Variants in TIAM1 observed in about 807,000 individuals in gnomAD.
TIAM1 encodes TIAM Rac1 associated GEF 1, also known as rho guanine nucleotide exchange factor TIAM1.
TIAM1 carries 65 observed loss-of-function variants against 163.5 expected under a neutral mutation model. The observed-to-expected ratio is 0.40, with a 90% CI of 0.33 to 0.49. The LOEUF is 0.49. Among genes scored for constraint, TIAM1 ranks in the 20% least tolerant of loss-of-function variants. The pLI, the probability that TIAM1 is intolerant of heterozygous loss-of-function variation, is 0.77. For missense variants in TIAM1, 1,789 were observed against 2,044.7 expected, an observed-to-expected ratio of 0.87 and a Z score of 2.41; for synonymous variants, 833 against 810.1, an observed-to-expected ratio of 1.03 and a Z score of -0.48.
upstream of TIAM1, among the ~76,000 whole-genome samples, chr21:31,346,035 G>A (rs187082741): frequency 2.1e-3 from 312 of 152,108 alleles, no homozygotes; most frequent in African/African-American, 6.9e-3. Flanking sequence ...ATTTGCCTCC[G>A]GGGAACATTT....
chr21:31,482,772 C>A (rs139303264), intron 1 of TIAM1, among the ~76,000 whole-genome samples: 190 of 152,268 alleles, frequency 1.2e-3, no homozygotes, highest in Non-Finnish European at 2.1e-3. Context: ...ACCAGAAGCA[C>A]CCCTAGTCAA....
At chr21:31,168,493 C>A (rs776170676) in intron 15 of TIAM1, among the ~76,000 whole-genome samples, 1 of 151,880 alleles carries the variant, frequency 6.6e-6, no homozygotes, top group South Asian at 2.1e-4. Flanking sequence ...CTCTACCTCC[C>A]GGGTTCACAC....
At chr21:31,208,956 T>G (rs530758892) in intron 11 of TIAM1, among the ~76,000 whole-genome samples, 1 of 152,224 alleles carries the variant, frequency 6.6e-6, no homozygotes, top group Admixed American at 6.5e-5. Context: ...GTTTTTCATT[T>G]TTTTTTTTAG....
At chr21:31,246,879 C>G (rs1202230833) in intron 5 of TIAM1, among the ~76,000 whole-genome samples, 1 of 152,142 alleles carries the variant, frequency 6.6e-6, no homozygotes, top group African/African-American at 2.4e-5. Context: ...GCTTACAAGT[C>G]CTTATTGCAC....
At chr21:31,159,246 A>G (rs2083778251) in intron 16 of TIAM1, among the ~76,000 whole-genome samples, 1 of 152,116 alleles carries the variant, frequency 6.6e-6, no homozygotes, top group Non-Finnish European at 1.5e-5. Flanking sequence ...AGGAGAGGAC[A>G]ATGGCAAGAG....
At chr21:31,293,968 T>C (rs2074128835) in intron 2 of TIAM1, among the ~76,000 whole-genome samples, 1 of 151,976 alleles carries the variant, frequency 6.6e-6, no homozygotes, top group Non-Finnish European at 1.5e-5. Context: ...CCAACAAACA[T>C]AAATTATGGA....
chr21:31,262,181 C>A (rs1004359191), intron 4 of TIAM1, among the ~76,000 whole-genome samples: 7 of 152,202 alleles, frequency 4.6e-5, no homozygotes, highest in African/African-American at 1.7e-4. Flanking sequence ...AAAACTGTGC[C>A]ATGAGTTTTC....
chr21:31,528,489 G>A (rs897868903), intron 1 of TIAM1, among the ~76,000 whole-genome samples: 7 of 151,664 alleles, frequency 4.6e-5, no homozygotes, highest in African/African-American at 1.7e-4. Context: ...CCATACTCCA[G>A]CCTGGGCAAC....
intron 10 of TIAM1, among the ~76,000 whole-genome samples, chr21:31,210,997 A>G (rs1569035577): frequency 6.6e-6 from 1 of 151,676 alleles, no homozygotes; most frequent in Non-Finnish European, 1.5e-5. Flanking sequence ...ATTTATATTT[A>G]TATTTATAGA....
chr21:31,123,083 A>G (rs1400707783), intron 27 of TIAM1, among the ~76,000 whole-genome samples: 1 of 152,250 alleles, frequency 6.6e-6, no homozygotes, highest in Non-Finnish European at 1.5e-5. Flanking sequence ...TCTCTTGGTA[A>G]TCATGACGGA....
chr21:31,156,203 C>CTA (rs2083616107), intron 16 of TIAM1, among the ~76,000 whole-genome samples: 1 of 152,226 alleles, frequency 6.6e-6, no homozygotes, highest in South Asian at 2.1e-4. Context: ...AGTGGCATGA[C>CTA]AGGACAGAGG....
At chr21:31,208,823 T>C (rs944004630) in intron 11 of TIAM1, among the ~76,000 whole-genome samples, 2 of 152,206 alleles carry the variant, frequency 1.3e-5, no homozygotes, top group East Asian at 1.9e-4. Flanking sequence ...AACTACAAAA[T>C]TGAGGTACTT....
intron 19 of TIAM1, 59 bp from the exon 20 acceptor site, chr21:31,147,062 C>T: frequency 7.0e-7 from 1 of 1,431,162 alleles, no homozygotes. Flanking sequence ...GAAATATCAG[C>T]AGGTTATGGC....
rs191218426 is a variant in TIAM1 at position 31,155,107 on chromosome 21, T to A, written c.2992-681A>T. 2.2e-3 allele frequency among the ~76,000 whole-genome samples: 337 copies of A among 152,316 alleles called. 1 individual carries two copies. The highest frequency in any genetic ancestry group is 7.6e-3 in the African/African-American group (316 of 41,568). ...CCCTAAAATAGGCCTCAATGGGAGA[T>A]CCCAGTCTCCACATCTACCAGGGAT... On this transcript the variant is annotated intron_variant, in intron 16 of 27. Transcript: ENST00000541036.
intron 6 of TIAM1, among the ~76,000 whole-genome samples, chr21:31,237,467 G>A (rs2070953048): frequency 6.6e-6 from 1 of 152,188 alleles, no homozygotes; most frequent in African/African-American, 2.4e-5. Flanking sequence ...TTTAAGAGGA[G>A]CCCATGGAAC....
chr21:31,137,160 T>C (rs2082652389), intron 22 of TIAM1, among the ~76,000 whole-genome samples: 1 of 152,242 alleles, frequency 6.6e-6, no homozygotes, highest in African/African-American at 2.4e-5. Flanking sequence ...TCTAGCTGGG[T>C]TTCCTATACA....
intron 5 of TIAM1, among the ~76,000 whole-genome samples, chr21:31,247,221 G>T (rs1034570490): frequency 1.4e-4 from 22 of 151,742 alleles, no homozygotes; most frequent in African/African-American, 5.3e-4. Context: ...TGAGCTGGGA[G>T]GATTGTTTGA....
At chr21:31,279,839 A>G (rs2073466101) in intron 2 of TIAM1, among the ~76,000 whole-genome samples, 1 of 152,240 alleles carries the variant, frequency 6.6e-6, no homozygotes, top group South Asian at 2.1e-4. Context: ...AGTATTATGC[A>G]GGCTTCCTTA....
Position 31,210,062 on chromosome 21 carries a change from G to A in TIAM1, c.2371C>T (p.Leu791=). The change falls in exon 11 of 28, where the codon CTG becomes TTG. Residue 791 remains leucine (L), a synonymous_variant. Transcript: ENST00000541036. The part of the protein sequence containing the change: ...VRPGDTARDT[L]ELICKTHQLD... ...CTCCATACCTTGCAAATCAGCTCCA[G>A]GGTGTCCCGTGCAGTGTCGCCTGGC... 2 of 1,613,922 alleles carry A rather than the reference G, an allele frequency of 1.2e-6. No individual in the cohort carries two copies. The highest frequency in any genetic ancestry group is 1.7e-6 in the Non-Finnish European group (2 of 1,179,946).
Sources: allele counts gnomAD v4.1 joint callset (sites outside exome capture counted in the v4.1 genomes callset), GRCh38; gene constraint gnomAD v4.1.1; transcripts MANE v1.5; gene names NCBI Gene and HGNC (gene_info 2026-07-23, HGNC 2026-07-21).